Variants in FGD3 observed in about 807,000 individuals in gnomAD.
The protein encoded by FGD3 is FYVE, RhoGEF and PH domain containing 3, also known as FYVE, RhoGEF and PH domain-containing protein 3.
FGD3 carries 45 observed loss-of-function variants against 71.8 expected under a neutral mutation model. The ratio of observed to expected loss-of-function variants is 0.63; its 90% confidence interval spans 0.49 to 0.80. The LOEUF (loss-of-function observed/expected upper bound fraction) is 0.80. FGD3 is among the 30% of genes least tolerant of loss of function. FGD3 has a pLI of 0.00. For synonymous variants in FGD3, 378 were observed against 392.8 expected, an observed-to-expected ratio of 0.96 and a Z score of 0.44; for missense variants, 844 against 951.5, an observed-to-expected ratio of 0.89 and a Z score of 1.49.
intron 7 of FGD3, 25 bp from the exon 8 acceptor site, chr9:93,011,189 G>T: frequency 6.2e-7 from 1 of 1,613,990 alleles, no homozygotes; most frequent in Non-Finnish European, 8.5e-7. Context: ...GTGGCCCCAG[G>T]CTGAACACAG....
intron 11 of FGD3, 65 bp from the exon 12 acceptor site, chr9:93,019,766 G>C: frequency 2.0e-6 from 3 of 1,485,468 alleles, no homozygotes; most frequent in East Asian, 2.3e-5. Context: ...AGGGTTGAGA[G>C]AGGGCTGGTC....
At chr9:92,989,997 C>T (rs778990511) in intron 3 of FGD3, among the ~76,000 whole-genome samples, 1 of 148,458 alleles carries the variant, frequency 6.7e-6, no homozygotes, top group Non-Finnish European at 1.5e-5. Flanking sequence ...TATGAGATTG[C>T]CTTCTTGATT....
At chr9:93,033,254 T>C (rs1587876582) in intron 16 of FGD3, 1 of 342,262 alleles carries the variant, frequency 2.9e-6, no homozygotes, top group East Asian at 7.6e-5. Context: ...TGTCAGAGGG[T>C]GAGCAGGGCC....
chr9:92,960,090 G>A (rs1859141901), intron 1 of FGD3, among the ~76,000 whole-genome samples: 1 of 151,304 alleles, frequency 6.6e-6, no homozygotes, highest in Non-Finnish European at 1.5e-5. Flanking sequence ...TATTCTTCAT[G>A]TTTCCATGTC....
At chr9:92,993,144 CT>C (rs200700006) in intron 3 of FGD3, among the ~76,000 whole-genome samples, 18 of 152,016 alleles carry the variant, frequency 1.2e-4, no homozygotes, top group African/African-American at 3.1e-4. Context: ...CACTCTCCTT[CT>C]TTTTTTTGGT....
At chr9:93,026,147 AT>A (rs1285478112) in intron 14 of FGD3, among the ~76,000 whole-genome samples, 3 of 152,182 alleles carry the variant, frequency 2.0e-5, no homozygotes. Context: ...TCAAGAAAAA[AT>A]GCTGGAGGGG....
At position 93,035,701 on chromosome 9, in the gene FGD3, C is replaced by G; in HGVS notation, c.*112C>G. 2.1e-6 allele frequency: 3 copies of G among 1,419,748 alleles called. No individual in the cohort carries two copies. Among genetic ancestry groups the G allele is most frequent in the Non-Finnish European group, 2.8e-6 (3 of 1,074,988 alleles). 87.9% of individuals were successfully genotyped at this position (1,419,748 alleles called of 1,614,324 possible). Reference sequence around the variant, plus strand: ...TGGACTGCTGAGGGTGGGCCAACAGCCCAGAGCTCAGGACACTTGGCTTTG... The same window carrying G: ...TGGACTGCTGAGGGTGGGCCAACAGGCCAGAGCTCAGGACACTTGGCTTTG... On this transcript the variant is annotated 3_prime_UTR_variant, in exon 18 of 18. Coordinates refer to ENST00000375482, the MANE Select transcript of FGD3 (RefSeq NM_001083536.2).
intron 1 of FGD3, among the ~76,000 whole-genome samples, chr9:92,962,939 C>CA (rs982916623): frequency 0.44 from 46,572 of 105,676 alleles, 9,564 homozygotes; most frequent in African/African-American, 0.6. Flanking sequence ...GGCTCCGTCT[C>CA]AAAAAAAAAA....
intron 1 of FGD3, among the ~76,000 whole-genome samples, chr9:92,948,529 A>G (rs538589282): frequency 1.3e-5 from 2 of 152,288 alleles, no homozygotes; most frequent in South Asian, 2.1e-4. Flanking sequence ...GAATGTTGTC[A>G]TTTTCTGGGA....
At chr9:92,990,105 T>A (rs570380956) in intron 3 of FGD3, among the ~76,000 whole-genome samples, 1 of 152,196 alleles carries the variant, frequency 6.6e-6, no homozygotes, top group Admixed American at 6.5e-5. Context: ...TTTTTATCAG[T>A]TCTAAGAGTT....
chr9:93,009,231 C>G (rs1325160315), intron 6 of FGD3, among the ~76,000 whole-genome samples: 1 of 151,584 alleles, frequency 6.6e-6, no homozygotes, highest in Non-Finnish European at 1.5e-5. Context: ...CCATTGCACT[C>G]CAGCCCAGGC....
chr9:92,952,220 T>C (rs1258461189), intron 1 of FGD3, among the ~76,000 whole-genome samples: 1 of 151,152 alleles, frequency 6.6e-6, no homozygotes, highest in East Asian at 1.9e-4. Context: ...ACACATATCA[T>C]TGTTGAAAGT....
At chr9:93,022,675 AGGT>A (rs1333782694) in intron 14 of FGD3, among the ~76,000 whole-genome samples, 2 of 152,078 alleles carry the variant, frequency 1.3e-5, no homozygotes, top group African/African-American at 4.8e-5. Flanking sequence ...ACCTGGTTGG[AGGT>A]GGTCACACAG....
At chr9:92,952,071 T>C (rs999364796) in intron 1 of FGD3, among the ~76,000 whole-genome samples, 1 of 152,172 alleles carries the variant, frequency 6.6e-6, no homozygotes, top group Non-Finnish European at 1.5e-5. Context: ...GAATAATTCG[T>C]GGCCCTAATT....
intron 8 of FGD3, among the ~76,000 whole-genome samples, chr9:93,012,699 G>C (rs891460637): frequency 3.5e-5 from 5 of 141,242 alleles, no homozygotes; most frequent in Non-Finnish European, 7.7e-5. Context: ...GGGTGTGGGG[G>C]GGGGAAGAAT....
intron 1 of FGD3, among the ~76,000 whole-genome samples, chr9:92,963,582 G>T (rs1859214442): frequency 6.6e-6 from 1 of 152,284 alleles, no homozygotes; most frequent in South Asian, 2.1e-4. Context: ...TTTCAGGCAT[G>T]AGCCACCATG....
At chr9:93,022,127 G>A (rs1389221547) in intron 13 of FGD3, among the ~76,000 whole-genome samples, 200 bp from the exon 14 acceptor site, 6 of 152,208 alleles carry the variant, frequency 3.9e-5, no homozygotes, top group African/African-American at 1.4e-4. Flanking sequence ...CTCCTTCTAG[G>A]AGAGGCCTCC....
chr9:92,989,686 C>T (rs753548064), intron 3 of FGD3, among the ~76,000 whole-genome samples: 18 of 152,110 alleles, frequency 1.2e-4, no homozygotes, highest in African/African-American at 1.9e-4. Flanking sequence ...AGCCGGTAGG[C>T]GAATAGTCAA....
At chr9:92,948,210 C>G (rs1189830898) in intron 1 of FGD3, among the ~76,000 whole-genome samples, 2 of 151,990 alleles carry the variant, frequency 1.3e-5, no homozygotes, top group Non-Finnish European at 2.9e-5. Flanking sequence ...ACGGGGACCC[C>G]ATGTCGGATG....
Sources: allele counts gnomAD v4.1 joint callset (sites outside exome capture counted in the v4.1 genomes callset), GRCh38; gene constraint gnomAD v4.1.1; transcripts MANE v1.5; gene names NCBI Gene and HGNC (gene_info 2026-07-23, HGNC 2026-07-21).